The following KLHL23 variants were observed in gnomAD, a reference collection of about 807,000 sequenced individuals.
KLHL23 encodes kelch-like protein 23.
A neutral mutation model predicts 48.9 loss-of-function variants in KLHL23; 33 were observed. The ratio of observed to expected loss-of-function variants is 0.67; its 90% CI spans 0.51 to 0.90. The LOEUF (loss-of-function observed/expected upper bound fraction) is 0.90, where lower values mean the gene tolerates loss of function less well. Ranked by LOEUF, KLHL23 falls within the 40% of genes least tolerant of loss-of-function variation. KLHL23 has a pLI of 0.00. For missense variants in KLHL23, 608 were observed against 669.6 expected, an observed-to-expected ratio of 0.91 and a Z score of 1.02; for synonymous variants, 234 against 231.6, an observed-to-expected ratio of 1.01 and a Z score of -0.09.
chr2:169,741,255 T>TA, intron 2 of KLHL23, 130 bp from the exon 3 acceptor site: 1 of 1,239,540 alleles, frequency 8.1e-7, no homozygotes, highest in Non-Finnish European at 1.1e-6. Flanking sequence ...TTTTGTCCCT[T>TA]ATAGCACTTA....
intron 2 of KLHL23, 148 bp downstream of exon 2, chr2:169,736,375 A>G: frequency 8.1e-7 from 1 of 1,236,804 alleles, no homozygotes; most frequent in Non-Finnish European, 1.1e-6. Context: ...TTCCAGATAA[A>G]AACAGTATAG....
intron 3 of KLHL23, 136 bp downstream of exon 3, chr2:169,741,673 A>G: frequency 9.4e-7 from 1 of 1,068,154 alleles, no homozygotes; most frequent in Non-Finnish European, 1.3e-6. Context: ...AAGTCTCAAA[A>G]TATTCATATA....
chr2:169,736,561 T>A (rs1475207461), intron 2 of KLHL23, among the ~76,000 whole-genome samples: 1 of 152,206 alleles, frequency 6.6e-6, no homozygotes, highest in Non-Finnish European at 1.5e-5. Context: ...AAGAGGTCCT[T>A]CATTAAAACC....
chr2:169,734,443 C>G (rs1280244534), intron 1 of KLHL23, among the ~76,000 whole-genome samples: 1 of 150,894 alleles, frequency 6.6e-6, no homozygotes, highest in Admixed American at 6.6e-5. Flanking sequence ...GCGGAAACCC[C>G]TGCGGCGGGC....
At chr2:169,742,859 ATAGC>A (rs1357273832) in intron 3 of KLHL23, among the ~76,000 whole-genome samples, 3 of 152,260 alleles carry the variant, frequency 2.0e-5, no homozygotes, top group Non-Finnish European at 4.4e-5. Flanking sequence ...ACAGTGAGAA[ATAGC>A]TAGCATTTAT....
At chr2:169,740,791 T>TATATATATATATATATATATATAAAA (rs1291405019) in intron 2 of KLHL23, among the ~76,000 whole-genome samples, 4 of 140,256 alleles carry the variant, frequency 2.9e-5, no homozygotes, top group African/African-American at 1.1e-4. Context: ...TATATATATA[T>TATATATATATATATATATATATAAAA]AACTTATTTA....
At position 169,750,366 on chromosome 2, in the gene KLHL23, C is replaced by G. The variant is rs1320626351; in HGVS notation, c.*634C>G. 1.3e-5 allele frequency: 2 copies of G among 151,732 alleles called. No homozygotes were observed. Among genetic ancestry groups the G allele is most frequent in the African/African-American group, 4.9e-5 (2 of 41,170 alleles). The allele number at this position is 151,732 out of a possible 1,614,324, so 9.4% of individuals were successfully genotyped here. On this transcript the variant is annotated 3_prime_UTR_variant, in exon 4 of 4. Transcript: ENST00000392647. ...TAGTAGATAGTGCATATTAAGATGT[C>G]TGGCTGGGCATGGTGGCTCATGCCT...
rs2105639986 is a variant in KLHL23, at chr2:169,735,647, T to C, written c.633T>C (p.Asp211=). Residue 211 remains aspartate (D), a synonymous_variant, in exon 2 of 4, where the codon GAT becomes GAC. Coordinates refer to ENST00000392647, the MANE Select transcript of KLHL23 (RefSeq NM_144711.6). This position sits in a 1 kb window ranked among gnomAD's most constrained non-coding sequence, Gnocchi z 4.5. Reference sequence around the variant, plus strand: ...CAGTTATTAAGTGGACTGCTCATGATGTAGAAAATCGAATTGAATGCCTCT... The same window carrying C: ...CAGTTATTAAGTGGACTGCTCATGACGTAGAAAATCGAATTGAATGCCTCT... ...IEPVIKWTAH[D]VENRIECLYN... 1.2e-6 allele frequency: 2 copies of C among 1,614,084 alleles called. No individual in the cohort carries two copies. The highest frequency in any genetic ancestry group is 1.7e-6 in the Non-Finnish European group (2 of 1,180,040).
chr2:169,734,250 G>T (rs1688455711), intron 1 of KLHL23, among the ~76,000 whole-genome samples, 163 bp downstream of exon 1: 1 of 147,098 alleles, frequency 6.8e-6, no homozygotes, highest in African/African-American at 2.4e-5. Context: ...GGGCCGGGCC[G>T]AACGCGTTGC....
chr2:169,748,230 G>T (rs1030334501), intron 3 of KLHL23, among the ~76,000 whole-genome samples: 1 of 152,196 alleles, frequency 6.6e-6, no homozygotes, highest in Non-Finnish European at 1.5e-5. Flanking sequence ...CAGGCTGGGT[G>T]GTCAGGGAAT....
Position 169,749,913 on chromosome 2 carries a change from T to TTATATA in KLHL23, c.*194_*199dup, listed in dbSNP as rs72113382. ...TGGTGATTCATGGTCAAGAAAAATC[T>TTATATA]TATATATATATATATATACACACAC... On this transcript the variant is annotated 3_prime_UTR_variant, in exon 4 of 4. Coordinates refer to ENST00000392647, the MANE Select transcript of KLHL23 (RefSeq NM_144711.6). The TTATATA allele has an allele frequency of 7.9e-3, 1,719 of 218,570 alleles. 71 individuals are homozygous for TTATATA. Among genetic ancestry groups the TTATATA allele is most frequent in the African/African-American group, 0.028 (646 of 22,794 alleles). The allele number at this position is 218,570 out of a possible 1,614,324, so 13.5% of individuals were successfully genotyped here.
At chr2:169,737,924 G>A (rs891985000) in intron 2 of KLHL23, among the ~76,000 whole-genome samples, 2 of 152,182 alleles carry the variant, frequency 1.3e-5, no homozygotes, top group African/African-American at 4.8e-5. Flanking sequence ...CTTTGAGAAT[G>A]AAAGCTTATT....
In KLHL23 at chr2:169,750,118, A is replaced by ATGTATGTATACATATATG. The variant is rs1688936172; in HGVS notation, c.*387_*388insGTATGTATACATATATGT. 1 of 145,934 alleles carries ATGTATGTATACATATATG rather than the reference A, an allele frequency of 6.9e-6. No homozygotes were observed. The highest frequency in any genetic ancestry group is 2.1e-4 in the South Asian group (1 of 4,736). 9.0% of individuals were successfully genotyped at this position (145,934 alleles called of 1,614,324 possible). A position where few individuals can be genotyped will look rare whatever the true frequency, so the allele number is the denominator to read the frequency against. ...TATGTGTATACATATATATGTGTGT[A>ATGTATGTATACATATATG]TATATATACACATATATACGTATAT... On this transcript the variant is annotated 3_prime_UTR_variant, in exon 4 of 4. Transcript: ENST00000392647.
intron 2 of KLHL23, among the ~76,000 whole-genome samples, chr2:169,737,795 A>G (rs898376455): frequency 3.3e-5 from 5 of 151,958 alleles, no homozygotes; most frequent in Admixed American, 6.6e-5. Flanking sequence ...TTGTATTTTT[A>G]GTAGAGACGG....
intron 3 of KLHL23, among the ~76,000 whole-genome samples, chr2:169,742,322 T>C (rs538079236): frequency 1.3e-5 from 2 of 152,352 alleles, no homozygotes; most frequent in African/African-American, 4.8e-5. Context: ...CTAGTAATAC[T>C]TACCATAGAT....
At chr2:169,741,172 C>T (rs77483714) in intron 2 of KLHL23, 14,541 of 427,284 alleles carry the variant, frequency 0.034, 366 homozygotes, top group East Asian at 0.1. Flanking sequence ...GATCATTGTG[C>T]GTGGTGCATG....
chr2:169,735,708 C>G lies in KLHL23; in HGVS notation c.694C>G (p.Pro232Ala). ...GAGCTATATCAACATTGATATAGAT[C>G]CAGTGTACTTAAAAACAGCCTTAGG... ...LLSYINIDID[P>A]VYLKTALGLQ... Residue 232 changes from proline (P) to alanine (A), a missense_variant, in exon 2 of 4, where the codon CCA (proline) becomes GCA (alanine). Coordinates refer to ENST00000392647, the MANE Select transcript of KLHL23 (RefSeq NM_144711.6). This position sits in a 1 kb window ranked among gnomAD's most constrained non-coding sequence, Gnocchi z 4.5. 7 of 1,613,910 alleles carry G rather than the reference C, an allele frequency of 4.3e-6. No homozygotes were observed. Among genetic ancestry groups the G allele is most frequent in the East Asian group, 2.2e-5 (1 of 44,872 alleles).
chr2:169,739,084 C>T (rs1688610330), intron 2 of KLHL23, among the ~76,000 whole-genome samples: 1 of 141,290 alleles, frequency 7.1e-6, no homozygotes. Context: ...TCCTCGACTT[C>T]CCCCACCCCT....
chr2:169,735,252 C>G lies in KLHL23; in HGVS notation c.238C>G (p.Leu80Val). Residue 80 changes from leucine to valine, a missense_variant, in exon 2 of 4, where the codon CTC becomes GTC. By Grantham distance (32) the Leu-to-Val change is conservative. This residue lies in a region of KLHL23 where 419 missense variants were observed against 473.1 expected (regional missense o/e 0.89). Transcript: ENST00000392647. This position sits in a 1 kb window ranked among gnomAD's most constrained non-coding sequence, Gnocchi z 4.5. ...MKEKFKNKIK[L>V]SGIHHDILEG... is the part of the protein sequence containing the mutation. ...AGAAAAATTTAAAAATAAAATAAAA[C>G]TCTCTGGCATCCACCATGATATTCT... The G allele has an allele frequency of 6.2e-7, 1 of 1,603,634 alleles. No individual in the cohort carries two copies. Among genetic ancestry groups the G allele is most frequent in the Non-Finnish European group, 8.5e-7 (1 of 1,177,466 alleles).
Sources: allele counts gnomAD v4.1 joint callset (sites outside exome capture counted in the v4.1 genomes callset), GRCh38; gene constraint gnomAD v4.1.1; regional missense constraint gnomAD v4.1.1; non-coding constraint Gnocchi (gnomAD v3.1); transcripts MANE v1.5; gene names NCBI Gene and HGNC (gene_info 2026-07-23, HGNC 2026-07-21).